The following ATE1 variants were observed in gnomAD, a reference collection of about 807,000 sequenced individuals.
ATE1 encodes the protein arginyl-tRNA--protein transferase 1.
Under a neutral mutation model 70.5 loss-of-function variants are expected in ATE1, and 36 were observed. The ratio of observed to expected loss-of-function variants is 0.51; its 90% CI spans 0.39 to 0.67. The LOEUF (loss-of-function observed/expected upper bound fraction) is 0.67. Among genes scored for constraint, ATE1 ranks in the 30% least tolerant of loss-of-function variants. The pLI, the probability that ATE1 is intolerant of heterozygous loss-of-function variation, is 0.00. For synonymous variants in ATE1, 232 were observed against 219.3 expected, an observed-to-expected ratio of 1.06 and a Z score of -0.51; for missense variants, 593 against 629.5, an observed-to-expected ratio of 0.94 and a Z score of 0.62.
intron 11 of ATE1, among the ~76,000 whole-genome samples, chr10:121,760,432 C>T (rs78597107): frequency 7.2e-5 from 11 of 152,154 alleles, no homozygotes; most frequent in African/African-American, 2.4e-4. Context: ...GACATTTGGA[C>T]GAAGTTGATT....
At position 121,918,109 on chromosome 10, in the gene ATE1, C is replaced by T. The variant is rs1019360882; in HGVS notation, c.234-4216G>A. ...CAGCACTTTGGGAGGCCAAGGCAGG[C>T]GGATCATGAGGTCAGGAGTTCCAGA... On this transcript the variant is annotated intron_variant, in intron 3 of 11. Transcript: ENST00000224652. Among the ~76,000 whole-genome samples the T allele has an allele frequency of 3.3e-5, 5 of 152,090 alleles. 1 individual carries two copies. The highest frequency in any genetic ancestry group is 7.4e-5 in the Non-Finnish European group (5 of 68,012).
At chr10:121,775,485 AC>A (rs1945700143) in intron 11 of ATE1, among the ~76,000 whole-genome samples, 1 of 152,170 alleles carries the variant, frequency 6.6e-6, no homozygotes. Context: ...AAAAACAACA[AC>A]AAAAAAAGAA....
At chr10:121,901,428 T>A (rs941394824) in intron 6 of ATE1, among the ~76,000 whole-genome samples, 5 of 152,146 alleles carry the variant, frequency 3.3e-5, no homozygotes, top group Non-Finnish European at 7.3e-5. Flanking sequence ...TAATCACATA[T>A]GAGAATAAGA....
chr10:121,744,496 G>A (rs542784233), intron 11 of ATE1, among the ~76,000 whole-genome samples: 14 of 152,082 alleles, frequency 9.2e-5, no homozygotes, highest in Middle Eastern at 3.4e-3. Flanking sequence ...ACAACTCTCC[G>A]GCATCATTCC....
In ATE1 at chr10:121,902,452, G is replaced by C. The variant is rs747491086; in HGVS notation, c.752C>G (p.Pro251Arg). ...AAAAATTAAATCTTCGAGTGATTTT[G>C]GCTGGTTGGATTTAGCCTTTGGTGG... ...LFPPKAKSNQ[P>R]KSLEDLIFES... The change falls in exon 6 of 12, where the codon CCA becomes CGA. Residue 251 changes from proline to arginine, a missense_variant. By Grantham distance (103) the Pro-to-Arg change is moderately radical. Coordinates refer to ENST00000224652, the MANE Select transcript of ATE1 (RefSeq NM_001001976.3). 43 of 1,614,164 alleles carry C rather than the reference G, an allele frequency of 2.7e-5. No individual in the cohort carries two copies. The South Asian group carries it at 4.2e-4, about 16-fold the overall frequency.
intron 7 of ATE1, among the ~76,000 whole-genome samples, chr10:121,887,495 A>G (rs1950441152): frequency 6.6e-6 from 1 of 151,702 alleles, no homozygotes; most frequent in Non-Finnish European, 1.5e-5. Context: ...GGATCAGGTG[A>G]TGCCAGGTGA....
intron 10 of ATE1, among the ~76,000 whole-genome samples, chr10:121,827,404 CA>C (rs1272326569): frequency 6.6e-6 from 1 of 152,110 alleles, no homozygotes; most frequent in Non-Finnish European, 1.5e-5. Flanking sequence ...GGGCAGCCAC[CA>C]CCTTGGAACT....
Position 121,919,389 on chromosome 10 carries a change from C to A in ATE1, c.233+2960G>T, listed in dbSNP as rs998914900. 2.6e-5 allele frequency among the ~76,000 whole-genome samples: 4 copies of A among 151,840 alleles called. No individual in the cohort carries two copies. The East Asian group carries it at 7.7e-4, about 29-fold the overall frequency. ...GCTTGGCCAACATGGTGAAACCCATCTCTACTAAAAATATCAAAAAAATTA... is the reference window on the plus strand; with the variant it reads ...GCTTGGCCAACATGGTGAAACCCATATCTACTAAAAATATCAAAAAAATTA... On this transcript the variant is annotated intron_variant, in intron 3 of 11. Transcript: ENST00000224652.
At chr10:121,838,294 C>A (rs1449551291) in intron 9 of ATE1, among the ~76,000 whole-genome samples, 1 of 151,646 alleles carries the variant, frequency 6.6e-6, no homozygotes, top group Non-Finnish European at 1.5e-5. Flanking sequence ...AAGTGCTATT[C>A]CACCTGCGTC....
chr10:121,922,322 C>G (rs1470872091), intron 3 of ATE1, 27 bp downstream of exon 3: 6 of 1,474,660 alleles, frequency 4.1e-6, no homozygotes, highest in Non-Finnish European at 4.7e-6. Context: ...TACTATAAAT[C>G]CTCTTTCTAC....
At chr10:121,892,543 C>G (rs1430663299) in intron 7 of ATE1, among the ~76,000 whole-genome samples, 1 of 150,400 alleles carries the variant, frequency 6.6e-6, no homozygotes, top group Non-Finnish European at 1.5e-5. Flanking sequence ...TCTTGTCGCC[C>G]TCGCCAAGGT....
chr10:121,847,455 G>GTAA (rs1008593191), intron 8 of ATE1, among the ~76,000 whole-genome samples: 295 of 144,314 alleles, frequency 2.0e-3, no homozygotes, highest in African/African-American at 7.3e-3. Context: ...CTCAAAAATA[G>GTAA]TAATAATAAT....
chr10:121,789,914 T>C (rs1946366558), intron 11 of ATE1, among the ~76,000 whole-genome samples: 1 of 148,028 alleles, frequency 6.8e-6, no homozygotes. Flanking sequence ...TCAAAGCATA[T>C]AAAAACTAAT....
chr10:121,924,768 G>C (rs1413328441), intron 1 of ATE1, among the ~76,000 whole-genome samples: 7 of 150,738 alleles, frequency 4.6e-5, no homozygotes, highest in Admixed American at 4.6e-4. Context: ...TAAATGAAAA[G>C]TTTGTACATA....
chr10:121,824,488 A>G (rs1165824433), intron 10 of ATE1, among the ~76,000 whole-genome samples: 1 of 152,224 alleles, frequency 6.6e-6, no homozygotes, highest in Admixed American at 6.5e-5. Context: ...CTATCATAAT[A>G]GTAAGGCCAA....
intron 10 of ATE1, among the ~76,000 whole-genome samples, chr10:121,797,253 G>A (rs938664998): frequency 2.6e-5 from 4 of 152,144 alleles, no homozygotes; most frequent in Admixed American, 6.5e-5. Flanking sequence ...TTTCAAAGGC[G>A]AAAGTTATAA....
chr10:121,810,704 T>G (rs1947285109), intron 10 of ATE1, among the ~76,000 whole-genome samples: 1 of 151,698 alleles, frequency 6.6e-6, no homozygotes, highest in Non-Finnish European at 1.5e-5. Flanking sequence ...TAAAACAAAT[T>G]TTTTTTTGTT....
At chr10:121,871,285 C>T (rs1487842290) in intron 7 of ATE1, among the ~76,000 whole-genome samples, 1 of 151,988 alleles carries the variant, frequency 6.6e-6, no homozygotes, top group African/African-American at 2.4e-5. Context: ...ATGGTGAAAC[C>T]CCGTCTCTAA....
chr10:121,829,461 G>A (rs575052279), intron 10 of ATE1, among the ~76,000 whole-genome samples: 12 of 145,970 alleles, frequency 8.2e-5, no homozygotes, highest in East Asian at 2.0e-4. Flanking sequence ...AAAAAAAATC[G>A]CTCCTGGCAA....
Sources: allele counts gnomAD v4.1 joint callset (sites outside exome capture counted in the v4.1 genomes callset), GRCh38; gene constraint gnomAD v4.1.1; transcripts MANE v1.5; gene names NCBI Gene and HGNC (gene_info 2026-07-23, HGNC 2026-07-21).